Variants in ANO10 observed in about 807,000 individuals in gnomAD.
ANO10 encodes the protein anoctamin 10.
Under a neutral mutation model 74.7 loss-of-function variants are expected in ANO10, and 77 were observed. That is an observed-to-expected ratio of 1.03 (90% CI 0.86 to 1.25). ANO10 has a LOEUF of 1.25. ANO10 is among the 50% of genes most tolerant of loss of function. The probability of loss-of-function intolerance (pLI) is 0.00; values close to 1 mark genes in which losing one functional copy is unlikely to be tolerated. For synonymous variants in ANO10, 279 were observed against 284.9 expected, an observed-to-expected ratio of 0.98 and a Z score of 0.21; for missense variants, 721 against 778.1, an observed-to-expected ratio of 0.93 and a Z score of 0.87.
chr3:43,520,494 T>C (rs946163016), intron 11 of ANO10, among the ~76,000 whole-genome samples: 1 of 152,128 alleles, frequency 6.6e-6, no homozygotes, highest in South Asian at 2.1e-4. Flanking sequence ...TATCCAGCTG[T>C]TTGCACCATT....
At chr3:43,567,464 A>G in intron 7 of ANO10, among the ~76,000 whole-genome samples, 1 of 152,256 alleles carries the variant, frequency 6.6e-6, no homozygotes, top group Non-Finnish European at 1.5e-5. Context: ...AGGGAAGCCC[A>G]TCAGACTAAC....
At chr3:43,411,739 C>G (rs894406889) in intron 12 of ANO10, among the ~76,000 whole-genome samples, 1 of 152,132 alleles carries the variant, frequency 6.6e-6, no homozygotes, top group Non-Finnish European at 1.5e-5. Context: ...GTAGGGCCAT[C>G]TAAAAATGCC....
intron 7 of ANO10, 39 bp from the exon 8 acceptor site, chr3:43,565,766 C>G: frequency 6.5e-7 from 1 of 1,533,446 alleles, no homozygotes; most frequent in South Asian, 1.2e-5. Flanking sequence ...GTGTTAAGCA[C>G]TGCTTTAGAG....
At position 43,603,979 on chromosome 3, in the gene ANO10, A is replaced by G. The variant is rs1482860996; in HGVS notation, c.139+1735T>C. On this transcript the variant is annotated intron_variant, in intron 2 of 12. Transcript: ENST00000292246. ...ACAGAATCTGTGCCTTCAACTGTGC[A>G]TAGATTTCTATGCCAAAAACCATGC... is the stretch of plus-strand genomic sequence containing the variant. 2.6e-5 allele frequency among the ~76,000 whole-genome samples: 4 copies of G among 152,306 alleles called. No individual in the cohort carries two copies. In the East Asian group the frequency reaches 5.8e-4, roughly 22 times the overall value.
chr3:43,389,011 T>C (rs992733665), intron 12 of ANO10, among the ~76,000 whole-genome samples: 5 of 152,260 alleles, frequency 3.3e-5, no homozygotes, highest in Non-Finnish European at 5.9e-5. Context: ...AGATGGCATC[T>C]AGCCCATGTT....
At chr3:43,531,591 G>A (rs778713508) in intron 11 of ANO10, among the ~76,000 whole-genome samples, 14 of 152,166 alleles carry the variant, frequency 9.2e-5, no homozygotes, top group South Asian at 6.2e-4. Flanking sequence ...CATTTACATG[G>A]TAATTAAAGC....
intron 1 of ANO10, among the ~76,000 whole-genome samples, chr3:43,613,809 G>A (rs1195038774): frequency 6.6e-6 from 1 of 152,122 alleles, no homozygotes; most frequent in African/African-American, 2.4e-5. Flanking sequence ...GAGTCAAAAG[G>A]TACAAAGGTA....
At chr3:43,595,977 C>CAG (rs2082064200) in intron 4 of ANO10, among the ~76,000 whole-genome samples, 1 of 152,114 alleles carries the variant, frequency 6.6e-6, no homozygotes, top group East Asian at 1.9e-4. Context: ...AACAGAGAAA[C>CAG]AGAGAGCCAA....
At chr3:43,541,855 G>A (rs1372464816) in intron 11 of ANO10, among the ~76,000 whole-genome samples, 2 of 152,188 alleles carry the variant, frequency 1.3e-5, no homozygotes, top group African/African-American at 4.8e-5. Context: ...TTCACAAAGG[G>A]TCCTAGGTTA....
At position 43,555,408 on chromosome 3, in the gene ANO10, CAGG is replaced by C; in HGVS notation, c.1535_1537del (p.Ser512del). ...AAAGGCAGCTGCTAATGGGTAAACA[CAGG>C]AGAAAAGGCTCACATAACCAAACTG... On this transcript the variant is annotated inframe_deletion, in exon 10 of 13. Transcript: ENST00000292246. The C allele has an allele frequency of 1.2e-6, 2 of 1,614,120 alleles. No individual in the cohort carries two copies. Among genetic ancestry groups the C allele is most frequent in the Non-Finnish European group, 8.5e-7 (1 of 1,180,026 alleles).
chr3:43,637,929 A>G (rs957138309), intron 1 of ANO10: 5 of 152,242 alleles, frequency 3.3e-5, no homozygotes, highest in Non-Finnish European at 5.9e-5. Flanking sequence ...TGAATGAGTA[A>G]TCATAAAAAT....
At chr3:43,572,268 G>A (rs140609357) in intron 7 of ANO10, among the ~76,000 whole-genome samples, 124 of 152,322 alleles carry the variant, frequency 8.1e-4, no homozygotes, top group African/African-American at 2.8e-3. Context: ...TCCTGGGGAA[G>A]TGCTCTTCTT....
intron 10 of ANO10, among the ~76,000 whole-genome samples, chr3:43,552,893 A>T (rs1249449354): frequency 6.6e-6 from 1 of 151,926 alleles, no homozygotes; most frequent in Non-Finnish European, 1.5e-5. Context: ...TCCCAGGTTC[A>T]AGCAATTCTC....
At chr3:43,510,324 G>C (rs2077461681) in intron 11 of ANO10, among the ~76,000 whole-genome samples, 1 of 151,918 alleles carries the variant, frequency 6.6e-6, no homozygotes, top group Non-Finnish European at 1.5e-5. Context: ...CTGCCTACTG[G>C]GGAGGCTGAG....
chr3:43,616,527 A>C (rs2083115135), intron 1 of ANO10, among the ~76,000 whole-genome samples: 1 of 152,218 alleles, frequency 6.6e-6, no homozygotes, highest in African/African-American at 2.4e-5. Context: ...TTCTGCTTTA[A>C]GCAATGAGAA....
chr3:43,612,151 T>C, intron 1 of ANO10, among the ~76,000 whole-genome samples: 1 of 93,558 alleles, frequency 1.1e-5, no homozygotes, highest in East Asian at 2.7e-4. Flanking sequence ...TATATATATA[T>C]ATATATATAT....
chr3:43,368,282 C>T (rs1467081539), intron 12 of ANO10, among the ~76,000 whole-genome samples: 1 of 152,088 alleles, frequency 6.6e-6, no homozygotes, highest in Non-Finnish European at 1.5e-5. Flanking sequence ...ACCAGTTTAC[C>T]TGCGGTGGGG....
intron 1 of ANO10, among the ~76,000 whole-genome samples, chr3:43,642,276 A>G (rs957936155): frequency 1.3e-4 from 20 of 152,202 alleles, no homozygotes; most frequent in African/African-American, 4.3e-4. Flanking sequence ...TTACACTGAA[A>G]GTTTTGGTTT....
chr3:43,562,192 C>A lies in ANO10; in HGVS notation c.1294-790G>T, dbSNP rs529967227. Among the ~76,000 whole-genome samples, 88 of 152,110 alleles carry A rather than the reference C, an allele frequency of 5.8e-4. No individual in the cohort carries two copies. In the Middle Eastern group the frequency reaches 0.014, roughly 24 times the overall value. ...TTGAGGCCGGGCACAGTGGCTCACA[C>A]CTGTAATCCCAGCACTTTGGGAGGC... On this transcript the variant is annotated intron_variant, in intron 8 of 12. Transcript: ENST00000292246.
Sources: gnomAD v4.1 joint callset for allele counts (sites outside exome capture counted in the v4.1 genomes callset) on GRCh38, gnomAD v4.1.1 for gene constraint, MANE v1.5 for transcripts, NCBI Gene and HGNC (gene_info 2026-07-23, HGNC 2026-07-21) for gene names.